Variants in COL19A1 observed in about 807,000 individuals in gnomAD.
COL19A1 encodes the protein collagen alpha-1(XIX) chain.
COL19A1 carries 159 observed loss-of-function variants against 190.2 expected under a neutral mutation model. The ratio of observed to expected loss-of-function variants is 0.84; its 90% CI spans 0.73 to 0.95. COL19A1 has a LOEUF of 0.95. Among genes scored for constraint, COL19A1 ranks in the 40% least tolerant of loss-of-function variants. The probability of loss-of-function intolerance (pLI) is 0.00; values close to 1 mark genes in which losing one functional copy is unlikely to be tolerated. For missense variants in COL19A1, 1,418 were observed against 1,431.9 expected (o/e 0.99, Z 0.16); for synonymous variants, 509 against 458.9 (o/e 1.11, Z -1.39).
chr6:70,191,613 T>G (rs1377377400), intron 48 of COL19A1, among the ~76,000 whole-genome samples: 4 of 152,210 alleles, frequency 2.6e-5, no homozygotes, highest in African/African-American at 9.6e-5. Flanking sequence ...CTGAATCCAT[T>G]TCATTGTCCT....
intron 14 of COL19A1, among the ~76,000 whole-genome samples, chr6:70,044,890 T>C (rs1219161423): frequency 6.6e-6 from 1 of 152,192 alleles, no homozygotes; most frequent in East Asian, 1.9e-4. Flanking sequence ...TTAGTATAGA[T>C]ACTATATTTT....
At chr6:70,203,131 C>T (rs10498871) in intron 49 of COL19A1, among the ~76,000 whole-genome samples, 36,681 of 152,064 alleles carry the variant, frequency 0.24, 4,678 homozygotes, top group East Asian at 0.35. Flanking sequence ...GTTATTCTTT[C>T]GAGTGAGTTT....
intron 2 of COL19A1, among the ~76,000 whole-genome samples, chr6:69,881,723 T>A (rs756615388): frequency 6.6e-6 from 1 of 152,236 alleles, no homozygotes; most frequent in African/African-American, 2.4e-5. Flanking sequence ...TAAGGGAAAT[T>A]AATAAAAGAA....
chr6:70,004,448 A>G lies in COL19A1; in HGVS notation c.1027-19179A>G, dbSNP rs1046262183. 3.3e-5 allele frequency among the ~76,000 whole-genome samples: 5 copies of G among 152,116 alleles called. No individual in the cohort carries two copies. In the South Asian group the frequency reaches 8.3e-4, roughly 25 times the overall value. On this transcript the variant is annotated intron_variant, in intron 11 of 50. Coordinates refer to ENST00000620364, the MANE Select transcript of COL19A1 (RefSeq NM_001858.6). The stretch of plus-strand genomic sequence containing the variant: ...TGCTAGGTTGAGGAAGTTCTCCTGT[A>G]TAGTATTCTGAAGTGTGTTTTCCAG...
chr6:70,126,595 G>A (rs1479961959), intron 17 of COL19A1, among the ~76,000 whole-genome samples: 2 of 152,162 alleles, frequency 1.3e-5, no homozygotes, highest in African/African-American at 2.4e-5. Context: ...TAAGAGGTTC[G>A]GCTTTGAGCC....
chr6:69,885,658 A>T (rs2149952410), intron 2 of COL19A1, among the ~76,000 whole-genome samples: 1 of 152,280 alleles, frequency 6.6e-6, no homozygotes, highest in South Asian at 2.1e-4. Context: ...AGTGATAAAT[A>T]TTCTTTTATT....
At chr6:70,147,027 G>A (rs1228819540) in intron 27 of COL19A1, 138 bp downstream of exon 27, 14 of 691,142 alleles carry the variant, frequency 2.0e-5, no homozygotes, top group Non-Finnish European at 2.8e-5. Flanking sequence ...TGACTGATCA[G>A]CATTGAGGTT....
At chr6:69,948,166 A>C (rs1773928363) in intron 9 of COL19A1, among the ~76,000 whole-genome samples, 1 of 151,868 alleles carries the variant, frequency 6.6e-6, no homozygotes, top group African/African-American at 2.4e-5. Flanking sequence ...ATTTCAGATC[A>C]TTAGGAGTTT....
chr6:70,007,097 T>G (rs747220700), intron 11 of COL19A1, among the ~76,000 whole-genome samples: 2 of 152,124 alleles, frequency 1.3e-5, no homozygotes, highest in African/African-American at 2.4e-5. Context: ...TTAGAAAATA[T>G]TTTTCTATGT....
chr6:70,031,225 G>T (rs542838791), intron 12 of COL19A1, among the ~76,000 whole-genome samples: 1 of 151,708 alleles, frequency 6.6e-6, no homozygotes, highest in South Asian at 2.1e-4. Flanking sequence ...AGATCATTGC[G>T]TGGCTGGATC....
chr6:69,866,649 C>A lies in COL19A1; in HGVS notation c.-33+9C>A, dbSNP rs940209361. 6.6e-6 allele frequency: 1 copy of A among 152,304 alleles called. No homozygotes were observed. Among genetic ancestry groups the A allele is most frequent in the East Asian group, 1.9e-4 (1 of 5,202 alleles). 9.4% of individuals were successfully genotyped at this position (152,304 alleles called of 1,614,324 possible). On this transcript the variant is annotated intron_variant, in intron 1 of 50. Coordinates refer to ENST00000620364, the MANE Select transcript of COL19A1 (RefSeq NM_001858.6). ...TCAAATACGAATTCAAGGTAAGCTG[C>A]GCGGCTTTGCGACCGGCTCTGCACT...
In COL19A1 at chr6:70,086,052, C is replaced by G. The variant is rs187983498; in HGVS notation, c.1225-16117C>G. 1.2e-3 allele frequency among the ~76,000 whole-genome samples: 186 copies of G among 152,202 alleles called. 1 individual carries two copies. Among genetic ancestry groups the G allele is most frequent in the African/African-American group, 4.4e-3 (182 of 41,550 alleles). On this transcript the variant is annotated intron_variant, in intron 15 of 50. Transcript: ENST00000620364. ...TGCTAGATTCCTTGGATGGTTAGTT[C>G]TTTTCTGGGGTGAAAGACTTGAGCA...
Position 70,062,146 on chromosome 6 carries a change from T to C in COL19A1, c.1171-6277T>C, listed in dbSNP as rs571324947. Among the ~76,000 whole-genome samples the C allele has an allele frequency of 3.5e-3, 537 of 152,134 alleles. 2 individuals carry two copies. The highest frequency in any genetic ancestry group is 6.0e-3 in the Non-Finnish European group (411 of 67,990). ...AGATAAAAGAAATGAGAGTGATAAATACATAAATTTCATTCAACTGTTGTG... is the reference window on the plus strand; with the variant it reads ...AGATAAAAGAAATGAGAGTGATAAACACATAAATTTCATTCAACTGTTGTG... On this transcript the variant is annotated intron_variant, in intron 14 of 50. Coordinates refer to ENST00000620364, the MANE Select transcript of COL19A1 (RefSeq NM_001858.6).
intron 4 of COL19A1, among the ~76,000 whole-genome samples, chr6:69,915,318 G>C (rs926813428): frequency 6.6e-5 from 10 of 152,148 alleles, no homozygotes; most frequent in African/African-American, 2.4e-4. Context: ...TAAAACAACT[G>C]TCAATAAATA....
chr6:70,040,652 A>G (rs989801230), intron 14 of COL19A1, among the ~76,000 whole-genome samples: 6 of 152,226 alleles, frequency 3.9e-5, no homozygotes, highest in African/African-American at 1.4e-4. Context: ...TTCACGGGTC[A>G]TATGGAAAAT....
intron 11 of COL19A1, among the ~76,000 whole-genome samples, chr6:69,978,037 C>A (rs1775822529): frequency 6.6e-6 from 1 of 152,102 alleles, no homozygotes; most frequent in Admixed American, 6.5e-5. Context: ...TCACAAGAAT[C>A]CCCAGAGATT....
chr6:70,188,875 G>A (rs1320250942), intron 47 of COL19A1, among the ~76,000 whole-genome samples: 3 of 152,126 alleles, frequency 2.0e-5, no homozygotes, highest in Non-Finnish European at 4.4e-5. Context: ...GTGAAGTAGG[G>A]CAGTTAAAGA....
chr6:69,940,193 A>G (rs749578094), intron 9 of COL19A1, among the ~76,000 whole-genome samples: 6 of 152,130 alleles, frequency 3.9e-5, no homozygotes, highest in South Asian at 4.1e-4. Context: ...GTTAGAGCCT[A>G]TACCTTTTAA....
At chr6:70,140,846 C>A in intron 19 of COL19A1, 108 bp from the exon 20 acceptor site, 1 of 945,042 alleles carries the variant, frequency 1.1e-6, no homozygotes, top group Non-Finnish European at 1.7e-6. Flanking sequence ...TTTTGGAGGT[C>A]TGTTTGCAAT....
Sources: allele counts gnomAD v4.1 joint callset (sites outside exome capture counted in the v4.1 genomes callset), GRCh38; gene constraint gnomAD v4.1.1; transcripts MANE v1.5; gene names NCBI Gene and HGNC (gene_info 2026-07-23, HGNC 2026-07-21).